Variants in KLHL8 observed in about 807,000 individuals in gnomAD.
KLHL8 encodes the protein kelch like family member 8, also known as kelch-like protein 8.
Under a neutral mutation model 63.5 loss-of-function variants are expected in KLHL8, and 38 were observed. That is an observed-to-expected ratio of 0.60 (90% CI 0.46 to 0.78). KLHL8 has a LOEUF of 0.78. Ranked by LOEUF, KLHL8 falls within the 30% of genes least tolerant of loss-of-function variation. The probability of loss-of-function intolerance (pLI) is 0.00; values close to 1 mark genes in which losing one functional copy is unlikely to be tolerated. For missense variants in KLHL8, 566 were observed against 752.4 expected, an observed-to-expected ratio of 0.75 and a Z score of 2.90; for synonymous variants, 224 against 254.3, an observed-to-expected ratio of 0.88 and a Z score of 1.13.
chr4:87,204,010 T>C (rs1732022470), intron 1 of KLHL8, among the ~76,000 whole-genome samples: 2 of 152,058 alleles, frequency 1.3e-5, no homozygotes, highest in South Asian at 4.1e-4. Context: ...GACACATGGA[T>C]GGAAAATAAG....
chr4:87,164,284 G>T (rs982688315), intron 8 of KLHL8, among the ~76,000 whole-genome samples: 1 of 151,944 alleles, frequency 6.6e-6, no homozygotes, highest in Non-Finnish European at 1.5e-5. Flanking sequence ...CGTTAGGTAA[G>T]TGACATTTTC....
chr4:87,224,242 G>A (rs1176456748), upstream of KLHL8, among the ~76,000 whole-genome samples: 2 of 152,032 alleles, frequency 1.3e-5, no homozygotes, highest in South Asian at 4.1e-4. Flanking sequence ...GAGCCACCGC[G>A]CCGGCCAACA....
intron 1 of KLHL8, among the ~76,000 whole-genome samples, chr4:87,236,415 G>C (rs1347385353): frequency 2.0e-5 from 3 of 151,826 alleles, no homozygotes; most frequent in Non-Finnish European, 4.4e-5. Flanking sequence ...CACTATGTTG[G>C]CCACACTGGT....
intron 1 of KLHL8, among the ~76,000 whole-genome samples, chr4:87,227,686 G>A (rs2110068522): frequency 6.6e-6 from 1 of 152,234 alleles, no homozygotes; most frequent in South Asian, 2.1e-4. Flanking sequence ...TGGAAGTCAT[G>A]TATAGGATGC....
upstream of KLHL8, among the ~76,000 whole-genome samples, chr4:87,225,169 A>G (rs1418637868): frequency 6.7e-6 from 1 of 150,092 alleles, no homozygotes; most frequent in African/African-American, 2.5e-5. Flanking sequence ...TGCCTGGTGA[A>G]CTCTTTCTAA....
At chr4:87,226,499 T>C (rs1047855045) in intron 1 of KLHL8, among the ~76,000 whole-genome samples, 2 of 145,886 alleles carry the variant, frequency 1.4e-5, no homozygotes, top group African/African-American at 5.1e-5. Context: ...GAGGCGGAGG[T>C]TGCAGTGAGC....
intron 8 of KLHL8, among the ~76,000 whole-genome samples, chr4:87,165,518 T>G (rs1730363980): frequency 6.6e-6 from 1 of 151,570 alleles, no homozygotes; most frequent in Non-Finnish European, 1.5e-5. Context: ...CTCAGCCTCC[T>G]AAGTAGCTGG....
At chr4:87,220,990 A>C (rs922141459), upstream of KLHL8, 2 of 152,150 alleles carry the variant, frequency 1.3e-5, no homozygotes, top group Non-Finnish European at 2.9e-5. Flanking sequence ...TTCCTGTGTC[A>C]CTTTCACCAC....
At chr4:87,172,866 A>G (rs1730685843) in intron 6 of KLHL8, among the ~76,000 whole-genome samples, 2 of 152,180 alleles carry the variant, frequency 1.3e-5, no homozygotes, top group Admixed American at 1.3e-4. Flanking sequence ...GTTCTCTGAA[A>G]AGAGAAATCT....
At chr4:87,207,498 G>A (rs1732179947) in intron 1 of KLHL8, 1 of 800,630 alleles carries the variant, frequency 1.2e-6, no homozygotes, top group Non-Finnish European at 2.2e-6. Context: ...TGAACCATGA[G>A]AAGTATGACA....
At chr4:87,186,333 C>A (rs1731253348) in intron 2 of KLHL8, among the ~76,000 whole-genome samples, 1 of 152,062 alleles carries the variant, frequency 6.6e-6, no homozygotes, top group South Asian at 2.1e-4. Context: ...CCAGTGTGAG[C>A]CACCACACTC....
intron 3 of KLHL8, among the ~76,000 whole-genome samples, chr4:87,183,865 A>G (rs1323473985): frequency 6.6e-6 from 1 of 152,192 alleles, no homozygotes; most frequent in Non-Finnish European, 1.5e-5. Context: ...TCATATCTGA[A>G]ACAAGTGTTG....
At chr4:87,164,833 T>A (rs1342153071) in intron 8 of KLHL8, among the ~76,000 whole-genome samples, 1 of 152,150 alleles carries the variant, frequency 6.6e-6, no homozygotes, top group Non-Finnish European at 1.5e-5. Flanking sequence ...AAAGTATTGA[T>A]ATTATGATCA....
Position 87,161,646 on chromosome 4 carries a change from T to C in KLHL8, c.*1873A>G, listed in dbSNP as rs1338251046. ...TTAGTAACCATAGCTAAACAAACAC[T>C]GTAATATAAGAACTCCATTAGACAT... On this transcript the variant is annotated 3_prime_UTR_variant, in exon 10 of 10. Coordinates refer to ENST00000273963, the MANE Select transcript of KLHL8 (RefSeq NM_020803.5). The C allele has an allele frequency of 6.6e-6, 1 of 152,134 alleles. No individual in the cohort carries two copies. The highest frequency in any genetic ancestry group is 2.4e-5 in the African/African-American group (1 of 41,406). 9.4% of individuals were successfully genotyped at this position (152,134 alleles called of 1,614,324 possible). A position where few individuals can be genotyped will look rare whatever the true frequency, so the allele number is the denominator to read the frequency against.
At chr4:87,233,271 A>G (rs1291102476) in intron 1 of KLHL8, among the ~76,000 whole-genome samples, 1 of 151,966 alleles carries the variant, frequency 6.6e-6, no homozygotes, top group East Asian at 1.9e-4. Flanking sequence ...TCAAACTCCA[A>G]TGGGAGGTAG....
At chr4:87,167,247 G>GTCA (rs1396938350) in intron 8 of KLHL8, 2 of 498,818 alleles carry the variant, frequency 4.0e-6, no homozygotes, top group Non-Finnish European at 7.7e-6. Context: ...TGTGAAGGTT[G>GTCA]TCATCCCAGG....
At position 87,170,099 on chromosome 4, in the gene KLHL8, T is replaced by A; in HGVS notation, c.1517A>T (p.His506Leu). 6.2e-7 allele frequency: 1 copy of A among 1,614,110 alleles called. No homozygotes were observed. Among genetic ancestry groups the A allele is most frequent in the Non-Finnish European group, 8.5e-7 (1 of 1,179,958 alleles). ...RRAGNGVSKL[H>L]GCLYVVGGFD... ...CTCACCAACTACGTATAAGCAACCATGAAGCTTGCTAACTCCATTGCCTGC... is the reference window on the plus strand; with the variant it reads ...CTCACCAACTACGTATAAGCAACCAAGAAGCTTGCTAACTCCATTGCCTGC... Residue 506 changes from histidine to leucine, a missense_variant, in exon 8 of 10, where the codon CAT (histidine) becomes CTT (leucine). Transcript: ENST00000273963.
At chr4:87,212,397 T>C (rs187966251) in intron 1 of KLHL8, among the ~76,000 whole-genome samples, 6 of 152,156 alleles carry the variant, frequency 3.9e-5, no homozygotes, top group East Asian at 3.9e-4. Flanking sequence ...CTGAGCAACA[T>C]AGTGAGAGCC....
intron 4 of KLHL8, among the ~76,000 whole-genome samples, chr4:87,179,598 G>T (rs1056736095): frequency 6.6e-6 from 1 of 151,736 alleles, no homozygotes; most frequent in Non-Finnish European, 1.5e-5. Context: ...AACAGAACAA[G>T]ACCCCTATCT....
Sources: allele counts gnomAD v4.1 joint callset (sites outside exome capture counted in the v4.1 genomes callset), GRCh38; gene constraint gnomAD v4.1.1; transcripts MANE v1.5; gene names NCBI Gene and HGNC (gene_info 2026-07-23, HGNC 2026-07-21).